The following USP3 variants were observed in gnomAD, a reference collection of about 807,000 sequenced individuals.
USP3 encodes the protein ubiquitin specific peptidase 3, also known as ubiquitin carboxyl-terminal hydrolase 3.
A neutral mutation model predicts 72.3 loss-of-function variants in USP3; 20 were observed. That is an observed-to-expected ratio of 0.28 (90% confidence interval 0.19 to 0.40). USP3 has a LOEUF of 0.40. USP3 is among the 10% of genes least tolerant of loss of function. The probability of loss-of-function intolerance (pLI) is 1.00; values close to 1 mark genes in which losing one functional copy is unlikely to be tolerated. For synonymous variants in USP3, 222 were observed against 225.3 expected (o/e 0.99, Z 0.13); for missense variants, 479 against 633.9 (o/e 0.76, Z 2.62).
chr15:63,552,355 G>A (rs931466192), intron 3 of USP3, among the ~76,000 whole-genome samples: 3 of 152,148 alleles, frequency 2.0e-5, no homozygotes, highest in African/African-American at 7.2e-5. Flanking sequence ...TAATATTTAT[G>A]CCGAGAAGGA....
At position 63,593,658 on chromosome 15, in the gene USP3, G is replaced by T. The variant is rs562834850; in HGVS notation, c.*2832G>T. ...TGGTGTGAAGATTCTTTAGAAAAGTGATTGGATCCATCTCAATTGTGCACT... is the reference window on the plus strand; with the variant it reads ...TGGTGTGAAGATTCTTTAGAAAAGTTATTGGATCCATCTCAATTGTGCACT... On this transcript the variant is annotated 3_prime_UTR_variant, in exon 15 of 15. Coordinates refer to ENST00000380324, the MANE Select transcript of USP3 (RefSeq NM_006537.4). 6.6e-6 allele frequency: 1 copy of T among 152,242 alleles called. No individual in the cohort carries two copies. The highest frequency in any genetic ancestry group is 6.5e-5 in the Admixed American group (1 of 15,288). The allele number at this position is 152,242 out of a possible 1,614,324, so 9.4% of individuals were successfully genotyped here. A position where few individuals can be genotyped will look rare whatever the true frequency, so the allele number is the denominator to read the frequency against.
chr15:63,520,250 C>G (rs542427700), intron 1 of USP3, among the ~76,000 whole-genome samples: 19 of 152,266 alleles, frequency 1.2e-4, no homozygotes, highest in African/African-American at 4.1e-4. Flanking sequence ...TAGTCTTGCC[C>G]CTTTCCATAT....
chr15:63,521,110 CA>C (rs952024538), intron 1 of USP3, among the ~76,000 whole-genome samples: 2 of 148,880 alleles, frequency 1.3e-5, no homozygotes, highest in African/African-American at 4.9e-5. Flanking sequence ...TTTTCCCTCA[CA>C]AAAGATAGCA....
At chr15:63,525,791 T>C (rs1323946328) in intron 1 of USP3, among the ~76,000 whole-genome samples, 1 of 152,246 alleles carries the variant, frequency 6.6e-6, no homozygotes, top group Non-Finnish European at 1.5e-5. Flanking sequence ...TTTTTACTTA[T>C]ATGTACTGGA....
Position 63,553,767 on chromosome 15 carries a change from A to C in USP3, c.337A>C (p.Lys113Gln), listed in dbSNP as rs771658627. Residue 113 changes from lysine to glutamine, a missense_variant, in exon 4 of 15, where the codon AAA becomes CAA. Lys to Gln is a moderately conservative substitution (Grantham distance 53). Coordinates refer to ENST00000380324, the MANE Select transcript of USP3 (RefSeq NM_006537.4). The surrounding 1 kb of genome is among the most constrained non-coding windows in gnomAD (Gnocchi z 4.2). ...VNDTKLGLVQ[K>Q]VREHLQNLEN... ...TGACACCAAGCTGGGACTGGTACAG[A>C]AAGTCAGAGAACACTTACAGAACTT... 1.2e-6 allele frequency: 2 copies of C among 1,613,228 alleles called. No homozygotes were observed. Among genetic ancestry groups the C allele is most frequent in the Non-Finnish European group, 1.7e-6 (2 of 1,179,524 alleles).
rs1312217845 is a variant in USP3, at chr15:63,590,949, T to TGTCA, written c.*124_*127dup. On this transcript the variant is annotated 3_prime_UTR_variant, in exon 15 of 15. Transcript: ENST00000380324. ...CAATTTCCTATTTTGGATTTAGTTTTGTCAATGGTAGTGACTTACTGAACA... is the reference window on the plus strand; with the variant it reads ...CAATTTCCTATTTTGGATTTAGTTTTGTCAGTCAATGGTAGTGACTTACTGAACA... 20 of 1,275,048 alleles carry TGTCA rather than the reference T, an allele frequency of 1.6e-5. No homozygotes were observed. The East Asian group carries it at 5.0e-4, about 32-fold the overall frequency. The allele number at this position is 1,275,048 out of a possible 1,614,324, so 79.0% of individuals were successfully genotyped here. A position where few individuals can be genotyped will look rare whatever the true frequency, so the allele number is the denominator to read the frequency against.
rs78239369 is a variant in USP3 at position 63,535,823 on chromosome 15, A to C, written c.153-1202A>C. Among the ~76,000 whole-genome samples, 763 of 152,272 alleles carry C rather than the reference A, an allele frequency of 5.0e-3. 6 individuals carry two copies. Among genetic ancestry groups the C allele is most frequent in the African/African-American group, 0.017 (703 of 41,552 alleles). ...GGTAAGTGTTTTTCCTGGTGCAGTT[A>C]AGGTGCCTCATGATGAAAATGTCAT... On this transcript the variant is annotated intron_variant, in intron 2 of 14. Coordinates refer to ENST00000380324, the MANE Select transcript of USP3 (RefSeq NM_006537.4).
At chr15:63,584,092 G>GTTTTTTTT (rs61574200) in intron 11 of USP3, among the ~76,000 whole-genome samples, 15 of 85,572 alleles carry the variant, frequency 1.8e-4, no homozygotes, top group East Asian at 3.2e-4. Flanking sequence ...CAACGGTTTT[G>GTTTTTTTT]TTTTTTTTTT....
Position 63,590,732 on chromosome 15 carries a change from T to C in USP3, c.1469T>C (p.Val490Ala). The C allele has an allele frequency of 1.2e-6, 2 of 1,614,162 alleles. No homozygotes were observed. The highest frequency in any genetic ancestry group is 8.5e-7 in the Non-Finnish European group (1 of 1,179,996). The change falls in exon 15 of 15, where the codon GTA becomes GCA. Residue 490 changes from valine (V) to alanine (A), a missense_variant. Transcript: ENST00000380324. ...TGGTTCCACTTCAATGACAGTACTG[T>C]AACACTGACTGACGAGGAGACTGTG... ...GRWFHFNDSTVTLTDEETVVK... is the reference protein window; with the variant it reads ...GRWFHFNDSTATLTDEETVVK...
At chr15:63,572,046 A>G (rs2066786714) in intron 9 of USP3, among the ~76,000 whole-genome samples, 1 of 152,250 alleles carries the variant, frequency 6.6e-6, no homozygotes, top group Non-Finnish European at 1.5e-5. Context: ...TGATCTTTAT[A>G]GCACATAGGA....
chr15:63,576,906 T>A (rs1380580815), intron 11 of USP3, among the ~76,000 whole-genome samples: 1 of 151,812 alleles, frequency 6.6e-6, no homozygotes, highest in Non-Finnish European at 1.5e-5. Context: ...AGTTGACTGA[T>A]ACACCTTTCT....
chr15:63,527,052 G>A (rs557384455), intron 1 of USP3, among the ~76,000 whole-genome samples: 1 of 152,242 alleles, frequency 6.6e-6, no homozygotes, highest in African/African-American at 2.4e-5. Context: ...GCACCACCAT[G>A]CCCGCCTAAT....
At chr15:63,578,585 C>T (rs1041441865) in intron 11 of USP3, among the ~76,000 whole-genome samples, 29 of 145,350 alleles carry the variant, frequency 2.0e-4, no homozygotes, top group Non-Finnish European at 3.6e-4. Context: ...GCACTCTAGC[C>T]TGGGCGACAG....
At chr15:63,542,012 A>G in intron 3 of USP3, 1 of 982,116 alleles carries the variant, frequency 1.0e-6, no homozygotes, top group Non-Finnish European at 1.2e-6. Flanking sequence ...TTACTGTTGC[A>G]TAAAAAATGT....
rs545912268 is a variant in USP3, at chr15:63,528,707, C to G, written c.92-3940C>G. On this transcript the variant is annotated intron_variant, in intron 1 of 14. Coordinates refer to ENST00000380324, the MANE Select transcript of USP3 (RefSeq NM_006537.4). The surrounding 1 kb of genome is among the most constrained non-coding windows in gnomAD (Gnocchi z 4.3). ...TTATCCTGCAGGTAAACTTTTGAAT[C>G]TCATCTATCTATAAATTGAAACTAC... 6.6e-6 allele frequency among the ~76,000 whole-genome samples: 1 copy of G among 152,238 alleles called. No individual in the cohort carries two copies. Among genetic ancestry groups the G allele is most frequent in the South Asian group, 2.1e-4 (1 of 4,824 alleles).
intron 3 of USP3, among the ~76,000 whole-genome samples, chr15:63,548,931 G>A (rs947438459): frequency 6.6e-6 from 1 of 152,126 alleles, no homozygotes. Flanking sequence ...GAATTTTGGA[G>A]CAGGTAGTAT....
At chr15:63,510,649 A>T (rs2065768371) in intron 1 of USP3, among the ~76,000 whole-genome samples, 1 of 152,138 alleles carries the variant, frequency 6.6e-6, no homozygotes, top group African/African-American at 2.4e-5. Context: ...GGAAGGAAGT[A>T]CTTTGATGGG....
At chr15:63,567,943 G>T (rs2066717369) in intron 8 of USP3, among the ~76,000 whole-genome samples, 1 of 152,212 alleles carries the variant, frequency 6.6e-6, no homozygotes, top group Non-Finnish European at 1.5e-5. Flanking sequence ...TAGGCTTTCT[G>T]TGTTTGCAGT....
chr15:63,517,916 T>G (rs986927055), intron 1 of USP3, among the ~76,000 whole-genome samples: 2 of 152,212 alleles, frequency 1.3e-5, no homozygotes, highest in African/African-American at 4.8e-5. Context: ...GTTGAAATCT[T>G]TTGTCTGCTT....
Sources: gnomAD v4.1 joint callset for allele counts (sites outside exome capture counted in the v4.1 genomes callset) on GRCh38, gnomAD v4.1.1 for gene constraint, Gnocchi (gnomAD v3.1) non-coding constraint, MANE v1.5 for transcripts, NCBI Gene and HGNC (gene_info 2026-07-23, HGNC 2026-07-21) for gene names.